Variants in FAR2 observed in about 807,000 individuals in gnomAD.
FAR2 encodes fatty acyl-CoA reductase 2, also known as epididymis secretory protein Li 81.
A neutral mutation model predicts 56.0 loss-of-function variants in FAR2; 19 were observed. The ratio of observed to expected loss-of-function variants is 0.34; its 90% CI spans 0.24 to 0.50. The LOEUF (loss-of-function observed/expected upper bound fraction) is 0.50. Ranked by LOEUF, FAR2 falls within the 20% of genes least tolerant of loss-of-function variation. FAR2 has a pLI of 0.98. For synonymous variants in FAR2, 219 were observed against 218.8 expected (o/e 1.00, Z -0.01); for missense variants, 508 against 642.2 (o/e 0.79, Z 2.26).
intron 1 of FAR2, among the ~76,000 whole-genome samples, chr12:29,228,858 G>A (rs1193453702): frequency 3.3e-5 from 5 of 152,192 alleles, no homozygotes; most frequent in African/African-American, 4.8e-5. Context: ...AAAGTGCTGG[G>A]ATTACAGGCA....
intron 1 of FAR2, among the ~76,000 whole-genome samples, chr12:29,260,673 G>A (rs1489688844): frequency 1.3e-5 from 2 of 152,222 alleles, no homozygotes; most frequent in South Asian, 2.1e-4. Flanking sequence ...AGCCAATGTA[G>A]AAAAGAGCAT....
intron 1 of FAR2, among the ~76,000 whole-genome samples, chr12:29,209,690 C>CTGTG (rs996292265): frequency 1.3e-5 from 1 of 78,970 alleles, no homozygotes; most frequent in Non-Finnish European, 3.1e-5. Context: ...AGGATGTCTG[C>CTGTG]TCTGTGTGTG....
intron 1 of FAR2, among the ~76,000 whole-genome samples, chr12:29,257,001 C>G (rs1481583574): frequency 6.6e-6 from 1 of 152,212 alleles, no homozygotes; most frequent in Non-Finnish European, 1.5e-5. Flanking sequence ...CCAGTCCCAT[C>G]GACCACCCAA....
intron 5 of FAR2, chr12:29,308,103 T>C (rs1949282779): frequency 3.4e-6 from 1 of 296,966 alleles, no homozygotes; most frequent in Admixed American, 5.0e-5. Flanking sequence ...AAAATTCACA[T>C]GGGTGATGGT....
At chr12:29,247,033 A>G (rs1199797277) in intron 1 of FAR2, among the ~76,000 whole-genome samples, 1 of 152,128 alleles carries the variant, frequency 6.6e-6, no homozygotes, top group African/African-American at 2.4e-5. Flanking sequence ...TACAGAACTA[A>G]CTGCATATTT....
At chr12:29,193,794 G>A (rs1042946778) in intron 1 of FAR2, among the ~76,000 whole-genome samples, 6 of 152,156 alleles carry the variant, frequency 3.9e-5, no homozygotes, top group Non-Finnish European at 8.8e-5. Flanking sequence ...CATATGGTAT[G>A]AGCATGTTTA....
intron 1 of FAR2, among the ~76,000 whole-genome samples, chr12:29,240,310 T>G (rs1402787310): frequency 6.6e-6 from 1 of 152,174 alleles, no homozygotes; most frequent in Non-Finnish European, 1.5e-5. Context: ...AATTTGTAGT[T>G]TCACCATCAA....
intron 10 of FAR2, among the ~76,000 whole-genome samples, chr12:29,324,571 C>A (rs921267152): frequency 2.0e-5 from 3 of 152,288 alleles, no homozygotes; most frequent in South Asian, 2.1e-4. Flanking sequence ...CTCTACAAGC[C>A]AGAAGAGAGT....
At chr12:29,199,566 C>A (rs1165717690) in intron 1 of FAR2, among the ~76,000 whole-genome samples, 7 of 147,950 alleles carry the variant, frequency 4.7e-5, no homozygotes, top group Non-Finnish European at 8.9e-5. Flanking sequence ...CTCCACTGCG[C>A]TCCAGCCTGG....
intron 11 of FAR2, chr12:29,333,092 G>T: frequency 2.9e-6 from 1 of 346,276 alleles, no homozygotes; most frequent in Admixed American, 4.1e-5. Flanking sequence ...ACCTGATTAT[G>T]CTATTTAACC....
At chr12:29,180,806 C>G (rs1049785284) in intron 1 of FAR2, among the ~76,000 whole-genome samples, 5 of 151,988 alleles carry the variant, frequency 3.3e-5, no homozygotes, top group African/African-American at 1.2e-4. Context: ...GACTTCCATT[C>G]ATACTCACAA....
At chr12:29,266,086 C>G (rs1318586965) in intron 1 of FAR2, among the ~76,000 whole-genome samples, 1 of 152,086 alleles carries the variant, frequency 6.6e-6, no homozygotes. Flanking sequence ...TTAGTACAAT[C>G]ACTACAGATA....
intron 1 of FAR2, among the ~76,000 whole-genome samples, chr12:29,240,413 A>G (rs947682401): frequency 1.3e-5 from 2 of 152,158 alleles, no homozygotes; most frequent in African/African-American, 4.8e-5. Flanking sequence ...TATGACTTCC[A>G]ATGGCCGACG....
intron 1 of FAR2, among the ~76,000 whole-genome samples, chr12:29,203,956 C>T (rs112261106): frequency 0.023 from 3,330 of 143,188 alleles, 130 homozygotes; most frequent in African/African-American, 0.081. Flanking sequence ...GCCGAGATTG[C>T]GCCACCACAC....
At chr12:29,275,090 C>G (rs895250649) in intron 2 of FAR2, among the ~76,000 whole-genome samples, 1 of 150,124 alleles carries the variant, frequency 6.7e-6, no homozygotes, top group African/African-American at 2.4e-5. Context: ...TGTGAAGAGA[C>G]CACCAAACAG....
chr12:29,192,522 T>C (rs918040921), intron 1 of FAR2, among the ~76,000 whole-genome samples: 1 of 152,218 alleles, frequency 6.6e-6, no homozygotes, highest in African/African-American at 2.4e-5. Context: ...GAACCAACTT[T>C]CCCAATTTAC....
At chr12:29,311,185 GGGCAGAGTGAATATATTA>G (rs1949345717) in intron 7 of FAR2, 39 bp downstream of exon 7, 1 of 1,397,516 alleles carries the variant, frequency 7.2e-7, no homozygotes, top group Non-Finnish European at 1.0e-6. Flanking sequence ...ACTTCATGAG[GGGCAGAGTGAATATATTA>G]GGCCCATTTT....
At chr12:29,305,120 T>C (rs767942636) in intron 4 of FAR2, among the ~76,000 whole-genome samples, 3 of 149,670 alleles carry the variant, frequency 2.0e-5, no homozygotes, top group Non-Finnish European at 4.5e-5. Context: ...ATTTGTTTTA[T>C]TTGTTTATTT....
chr12:29,214,422 G>A (rs1156253720), intron 1 of FAR2, among the ~76,000 whole-genome samples: 2 of 152,188 alleles, frequency 1.3e-5, no homozygotes, highest in South Asian at 2.1e-4. Flanking sequence ...TGAGACAGAC[G>A]ATGTTTCTGT....
Sources: allele counts gnomAD v4.1 joint callset (sites outside exome capture counted in the v4.1 genomes callset), GRCh38; gene constraint gnomAD v4.1.1; transcripts MANE v1.5; gene names NCBI Gene and HGNC (gene_info 2026-07-23, HGNC 2026-07-21).